ANK1: variants seen among roughly 807,000 people sequenced by gnomAD.
ANK1 encodes ankyrin 1.
A neutral mutation model predicts 210.4 loss-of-function variants in ANK1; 51 were observed. The ratio of observed to expected loss-of-function variants is 0.24; its 90% CI spans 0.19 to 0.31. ANK1 has a LOEUF of 0.31. ANK1 is among the 10% of genes least tolerant of loss of function. The pLI, the probability that ANK1 is intolerant of heterozygous loss-of-function variation, is 1.00. For synonymous variants in ANK1, 967 were observed against 1,025.9 expected, an observed-to-expected ratio of 0.94 and a Z score of 1.10; for missense variants, 2,051 against 2,504.4, an observed-to-expected ratio of 0.82 and a Z score of 3.86.
intron 1 of ANK1, among the ~76,000 whole-genome samples, chr8:41,793,995 A>G (rs1347493340): frequency 1.3e-5 from 2 of 152,216 alleles, no homozygotes; most frequent in Admixed American, 6.5e-5. Flanking sequence ...CAAGTTGAGA[A>G]CGGTTGTACT....
chr8:41,862,566 C>G (rs1040324692), intron 1 of ANK1, among the ~76,000 whole-genome samples: 2 of 146,768 alleles, frequency 1.4e-5, no homozygotes, highest in African/African-American at 2.5e-5. Flanking sequence ...TTTTGCAAGC[C>G]AAAAGGCTGG....
intron 6 of ANK1, 135 bp from the exon 7 acceptor site, chr8:41,724,689 T>C (rs555543659): frequency 3.7e-6 from 3 of 820,812 alleles, no homozygotes; most frequent in Non-Finnish European, 6.0e-6. Context: ...GTGGGAACAT[T>C]TGGTGAGGGG....
intron 12 of ANK1, 140 bp from the exon 13 acceptor site, chr8:41,717,191 A>G (rs1827914234): frequency 1.2e-6 from 1 of 830,176 alleles, no homozygotes; most frequent in Non-Finnish European, 2.0e-6. Context: ...GCAGCTCTTT[A>G]GCCTGGTATG....
Position 41,663,679 on chromosome 8 carries a change from C to T in ANK1, c.5458G>A (p.Gly1820Ser), listed in dbSNP as rs528332130. ...VTEEQFTDEQ[G>S]NIVTKKIIRK... ...CCCACCTTCTTGGTGACAATGTTGC[C>T]CTGCTCATCCGTGAATTGCTCCTCT... Residue 1820 changes from glycine (G) to serine (S), a missense_variant, in exon 40 of 43, where the codon GGC (glycine) becomes AGC (serine). Transcript: ENST00000289734. 43 of 1,614,128 alleles carry T rather than the reference C, an allele frequency of 2.7e-5. No individual in the cohort carries two copies. In the South Asian group the frequency reaches 4.1e-4, roughly 15 times the overall value.
intron 35 of ANK1, among the ~76,000 whole-genome samples, chr8:41,687,072 G>A (rs1010674891): frequency 6.6e-6 from 1 of 152,168 alleles, no homozygotes; most frequent in Non-Finnish European, 1.5e-5. Context: ...CTGAACTTCT[G>A]AGTTTGTCAC....
In ANK1 at chr8:41,692,890, C is replaced by G. The variant is rs770600852; in HGVS notation, c.3630-14G>C. The G allele has an allele frequency of 3.7e-6, 6 of 1,611,394 alleles. No individual in the cohort carries two copies. The highest frequency in any genetic ancestry group is 5.1e-6 in the Non-Finnish European group (6 of 1,177,810). ...GACAGCCAAAACCTAAAAAGTAGGG[C>G]GAGTTATGTGTTCCCAAGTGCCCAA... On this transcript the variant is annotated splice_polypyrimidine_tract_variant and intron_variant, in intron 30 of 42. Coordinates refer to ENST00000289734, the MANE Select transcript of ANK1 (RefSeq NM_000037.4).
chr8:41,798,824 C>A (rs529512115), upstream of ANK1, among the ~76,000 whole-genome samples: 3 of 152,288 alleles, frequency 2.0e-5, no homozygotes, highest in East Asian at 3.9e-4. Flanking sequence ...GCCTTCCTCA[C>A]GTGATGCTTG....
chr8:41,675,079 C>T (rs893847083), intron 37 of ANK1, among the ~76,000 whole-genome samples: 1 of 152,208 alleles, frequency 6.6e-6, no homozygotes, highest in Non-Finnish European at 1.5e-5. Flanking sequence ...ATATTATTTA[C>T]ATCAGTTACT....
intron 3 of ANK1, 136 bp downstream of exon 3, chr8:41,733,835 G>A: frequency 1.3e-6 from 1 of 763,574 alleles, no homozygotes; most frequent in Middle Eastern, 2.3e-4. Context: ...GGGATTCAGA[G>A]AACTAAAAAG....
chr8:41,740,801 C>T (rs934514631), intron 2 of ANK1, among the ~76,000 whole-genome samples: 2 of 152,190 alleles, frequency 1.3e-5, no homozygotes, highest in South Asian at 2.1e-4. Flanking sequence ...TCAACCATGT[C>T]CCCTGGGATA....
At position 41,715,851 on chromosome 8, in the gene ANK1, T is replaced by A; in HGVS notation, c.1405-2A>T. ...ACAGTGAAGTGGGGTCTGGTCATCCTGGACCCCGAAGGGAAAACAAAGAAG... is the reference window on the plus strand; with the variant it reads ...ACAGTGAAGTGGGGTCTGGTCATCCAGGACCCCGAAGGGAAAACAAAGAAG... On this transcript the variant is annotated splice_acceptor_variant, in intron 13 of 42. Transcript: ENST00000289734. LOFTEE classifies it high-confidence loss of function. 6.2e-7 allele frequency: 1 copy of A among 1,614,204 alleles called. No individual in the cohort carries two copies. Among genetic ancestry groups the A allele is most frequent in the Non-Finnish European group, 8.5e-7 (1 of 1,180,038 alleles).
intron 1 of ANK1, among the ~76,000 whole-genome samples, chr8:41,789,857 G>A (rs1184854237): frequency 6.6e-6 from 1 of 152,192 alleles, no homozygotes. Flanking sequence ...AAAGTGCTGT[G>A]CTTCTTGTAT....
intron 42 of ANK1, among the ~76,000 whole-genome samples, chr8:41,658,073 A>C (rs1232649673): frequency 6.6e-6 from 1 of 152,154 alleles, no homozygotes; most frequent in Non-Finnish European, 1.5e-5. Context: ...TTGTAGAGAC[A>C]GGGTCCTACC....
intron 1 of ANK1, among the ~76,000 whole-genome samples, chr8:41,804,487 CT>C (rs1348428703): frequency 6.6e-6 from 1 of 152,184 alleles, no homozygotes; most frequent in Non-Finnish European, 1.5e-5. Flanking sequence ...CTATCATTTT[CT>C]TTTCCTAAAT....
intron 1 of ANK1, among the ~76,000 whole-genome samples, chr8:41,788,090 C>T (rs961106407): frequency 6.6e-6 from 1 of 152,120 alleles, no homozygotes; most frequent in Admixed American, 6.5e-5. Flanking sequence ...TTTTCTATTC[C>T]AATGTTGTTT....
intron 1 of ANK1, among the ~76,000 whole-genome samples, chr8:41,758,711 C>A (rs1030528542): frequency 6.6e-6 from 1 of 152,182 alleles, no homozygotes; most frequent in East Asian, 1.9e-4. Context: ...TGAGGGGGAG[C>A]CCATTCCTAT....
At chr8:41,674,727 G>T (rs895359206) in intron 37 of ANK1, among the ~76,000 whole-genome samples, 2 of 152,212 alleles carry the variant, frequency 1.3e-5, no homozygotes, top group Non-Finnish European at 2.9e-5. Flanking sequence ...AAGCCTACTT[G>T]GTTCCAGGTC....
At position 41,727,978 on chromosome 8, in the gene ANK1, G is replaced by A. The variant is rs1420298430; in HGVS notation, c.257C>T (p.Ala86Val). Residue 86 changes from alanine (A) to valine (V), a missense_variant, in exon 4 of 43, where the codon GCT becomes GTT. Ala to Val is a moderately conservative substitution (Grantham distance 64). This residue lies in a region of ANK1 where 72 missense variants were observed against 133.5 expected (regional missense o/e 0.54). Coordinates refer to ENST00000289734, the MANE Select transcript of ANK1 (RefSeq NM_000037.4). ...KKGNTALHIA[A>V]LAGQDEVVRE... is the part of the protein sequence containing the mutation. ...GACCACCTCATCCTGCCCGGCTAGA[G>A]CAGCGATGTGCAGGGCCGTGTTCCC... 1.2e-6 allele frequency: 2 copies of A among 1,614,034 alleles called. No individual in the cohort carries two copies. The highest frequency in any genetic ancestry group is 1.7e-6 in the Non-Finnish European group (2 of 1,180,034).
chr8:41,721,068 C>T (rs1251618027), intron 9 of ANK1, among the ~76,000 whole-genome samples: 1 of 152,178 alleles, frequency 6.6e-6, no homozygotes, highest in East Asian at 1.9e-4. Context: ...TTAGGTCCCA[C>T]AAAATTCACA....
Sources: allele counts gnomAD v4.1 joint callset (sites outside exome capture counted in the v4.1 genomes callset), GRCh38; gene constraint gnomAD v4.1.1; regional missense constraint gnomAD v4.1.1; transcripts MANE v1.5; gene names NCBI Gene and HGNC (gene_info 2026-07-23, HGNC 2026-07-21).